Variants in MYO1B observed in about 807,000 individuals in gnomAD.
The protein encoded by MYO1B is unconventional myosin-Ib.
In MYO1B, 72 loss-of-function variants were observed where a neutral mutation model predicts 159.7. The observed-to-expected ratio is 0.45, with a 90% CI of 0.37 to 0.55. The LOEUF (loss-of-function observed/expected upper bound fraction) is 0.55, where lower values mean the gene tolerates loss of function less well. MYO1B is among the 20% of genes least tolerant of loss of function. The pLI, the probability that MYO1B is intolerant of heterozygous loss-of-function variation, is 0.00. For synonymous variants in MYO1B, 468 were observed against 473.8 expected, an observed-to-expected ratio of 0.99 and a Z score of 0.16; for missense variants, 1,062 against 1,364.8, an observed-to-expected ratio of 0.78 and a Z score of 3.50.
intron 1 of MYO1B, among the ~76,000 whole-genome samples, chr2:191,263,999 G>C (rs1276267246): frequency 6.6e-6 from 1 of 152,096 alleles, no homozygotes; most frequent in Non-Finnish European, 1.5e-5. Flanking sequence ...AAATACTTCA[G>C]AATGTATTTA....
chr2:191,333,909 ACT>A (rs1178563978), intron 4 of MYO1B, among the ~76,000 whole-genome samples: 1 of 151,880 alleles, frequency 6.6e-6, no homozygotes, highest in East Asian at 1.9e-4. Flanking sequence ...CAAGTTAGAA[ACT>A]CTGTTCCTTG....
intron 3 of MYO1B, among the ~76,000 whole-genome samples, chr2:191,299,911 T>A (rs1364861579): frequency 6.6e-6 from 1 of 152,232 alleles, no homozygotes; most frequent in East Asian, 1.9e-4. Context: ...CATAACTCTG[T>A]GAGAAAGGAA....
chr2:191,330,555 T>G (rs1691405654), intron 4 of MYO1B, among the ~76,000 whole-genome samples: 1 of 152,190 alleles, frequency 6.6e-6, no homozygotes, highest in African/African-American at 2.4e-5. Flanking sequence ...GGGTTATGCT[T>G]TTTTCCCCTT....
intron 4 of MYO1B, among the ~76,000 whole-genome samples, chr2:191,336,112 A>G (rs1691816006): frequency 6.6e-6 from 1 of 152,194 alleles, no homozygotes; most frequent in African/African-American, 2.4e-5. Flanking sequence ...TTCCAAGGAC[A>G]TCAGAGTAAA....
At chr2:191,309,069 A>G (rs568304794) in intron 3 of MYO1B, among the ~76,000 whole-genome samples, 2 of 151,906 alleles carry the variant, frequency 1.3e-5, no homozygotes, top group Non-Finnish European at 2.9e-5. Flanking sequence ...CCGGATTTAG[A>G]TCTTCAGCTG....
At chr2:191,348,814 A>T (rs144303896) in intron 6 of MYO1B, among the ~76,000 whole-genome samples, 8 of 152,114 alleles carry the variant, frequency 5.3e-5, no homozygotes, top group Non-Finnish European at 1.2e-4. Context: ...GGCAGGTTTG[A>T]TCATGGCATC....
In MYO1B at chr2:191,392,173, C is replaced by G; in HGVS notation, c.2048C>G (p.Ser683Ter). Residue 683 changes from serine (S) to a stop codon, truncating the protein, a stop_gained, in exon 19 of 31, where the codon TCA becomes TGA. Transcript: ENST00000392318. LOFTEE classifies it high-confidence loss of function. ...GTGGAAGAATACTCCTTTGGTAGAT[C>G]AAAGATATTCATCCGAAACCCAAGA... ...IPVEEYSFGRSKIFIRNPRTL... is the reference protein window; with the variant it reads ...IPVEEYSFGR 2 of 1,606,092 alleles carry G rather than the reference C, an allele frequency of 1.2e-6. No homozygotes were observed. Among genetic ancestry groups the G allele is most frequent in the Non-Finnish European group, 1.7e-6 (2 of 1,174,340 alleles).
At position 191,357,629 on chromosome 2, in the gene MYO1B, A is replaced by G. The variant is rs147926821; in HGVS notation, c.563-3002A>G. Reference sequence around the variant, plus strand: ...ACTAAGTCTTGTTAGCAGAGGCTCAATTGGCGGTGGTAGAAGTACCTAAGG... The same window carrying G: ...ACTAAGTCTTGTTAGCAGAGGCTCAGTTGGCGGTGGTAGAAGTACCTAAGG... On this transcript the variant is annotated intron_variant, in intron 7 of 30. Transcript: ENST00000392318. 8.5e-4 allele frequency among the ~76,000 whole-genome samples: 130 copies of G among 152,324 alleles called. 1 individual carries two copies. Among genetic ancestry groups the G allele is most frequent in the Middle Eastern group, 3.4e-3 (1 of 294 alleles).
At chr2:191,272,011 G>T (rs1687481590) in intron 1 of MYO1B, among the ~76,000 whole-genome samples, 1 of 152,152 alleles carries the variant, frequency 6.6e-6, no homozygotes, top group South Asian at 2.1e-4. Flanking sequence ...TGTTTATGCT[G>T]CATTCTCTTG....
chr2:191,298,544 C>G (rs556297576), intron 3 of MYO1B, among the ~76,000 whole-genome samples: 16 of 152,108 alleles, frequency 1.1e-4, no homozygotes, highest in African/African-American at 1.4e-4. Context: ...TTTTCACAAG[C>G]TTTCTGGGTG....
chr2:191,370,934 A>G (rs1260818339), intron 13 of MYO1B: 2 of 152,258 alleles, frequency 1.3e-5, no homozygotes, highest in African/African-American at 2.4e-5. Context: ...TATTTAAACC[A>G]TTTGTGCTTG....
chr2:191,329,604 TCATATAA>T (rs1187588502), intron 3 of MYO1B, among the ~76,000 whole-genome samples: 1 of 147,616 alleles, frequency 6.8e-6, no homozygotes, highest in Non-Finnish European at 1.5e-5. Flanking sequence ...ATAAATAATT[TCATATAA>T]ATTTTATATA....
At chr2:191,291,906 C>T (rs1311350651) in intron 2 of MYO1B, among the ~76,000 whole-genome samples, 1 of 152,124 alleles carries the variant, frequency 6.6e-6, no homozygotes, top group Non-Finnish European at 1.5e-5. Context: ...ATGTTAAACC[C>T]CACCCAGCAA....
chr2:191,318,098 C>CA (rs944263443), intron 3 of MYO1B, among the ~76,000 whole-genome samples: 1 of 151,928 alleles, frequency 6.6e-6, no homozygotes, highest in Non-Finnish European at 1.5e-5. Context: ...AAACTGTAAA[C>CA]AAAAAAAGTC....
chr2:191,313,548 C>G (rs1223106526), intron 3 of MYO1B, among the ~76,000 whole-genome samples: 2 of 152,136 alleles, frequency 1.3e-5, no homozygotes, highest in Non-Finnish European at 2.9e-5. Context: ...CCACACCCAG[C>G]TAATTTTTTG....
chr2:191,265,014 T>A (rs1687047338), intron 1 of MYO1B, among the ~76,000 whole-genome samples: 1 of 152,062 alleles, frequency 6.6e-6, no homozygotes, highest in Non-Finnish European at 1.5e-5. Context: ...TGGATGTTTT[T>A]TCCAGAACCA....
chr2:191,263,347 G>A, intron 1 of MYO1B: 1 of 985,030 alleles, frequency 1.0e-6, no homozygotes, highest in Non-Finnish European at 1.2e-6. Context: ...AGGCTAAAGT[G>A]CTAGTTAAAT....
chr2:191,325,896 CT>C (rs1366666982), intron 3 of MYO1B, among the ~76,000 whole-genome samples: 2 of 152,080 alleles, frequency 1.3e-5, no homozygotes, highest in Non-Finnish European at 2.9e-5. Flanking sequence ...ATAGATACAG[CT>C]GTCTGGAAAC....
chr2:191,379,553 C>T (rs926697987), intron 13 of MYO1B, among the ~76,000 whole-genome samples: 1 of 152,162 alleles, frequency 6.6e-6, no homozygotes, highest in Admixed American at 6.5e-5. Flanking sequence ...TTCATAGCTA[C>T]ACAATGTGTC....
Sources: gnomAD v4.1 joint callset for allele counts (sites outside exome capture counted in the v4.1 genomes callset) on GRCh38, gnomAD v4.1.1 for gene constraint, MANE v1.5 for transcripts, NCBI Gene and HGNC (gene_info 2026-07-23, HGNC 2026-07-21) for gene names.